NEK10: variants seen among roughly 807,000 people sequenced by gnomAD.
NEK10 encodes the protein NIMA related kinase 10, also known as serine/threonine-protein kinase Nek10.
In NEK10, 122 loss-of-function variants were observed where a neutral mutation model predicts 159.8. That is an observed-to-expected ratio of 0.76 (90% CI 0.66 to 0.89). NEK10 has a LOEUF of 0.89. NEK10 is among the 40% of genes least tolerant of loss of function. The pLI, the probability that NEK10 is intolerant of heterozygous loss-of-function variation, is 0.00. For missense variants in NEK10, 1,342 were observed against 1,323.1 expected (o/e 1.01, Z -0.22); for synonymous variants, 466 against 457.1 (o/e 1.02, Z -0.25).
At chr3:27,190,375 G>C (rs1383284217) in intron 26 of NEK10, among the ~76,000 whole-genome samples, 1 of 152,178 alleles carries the variant, frequency 6.6e-6, no homozygotes, top group Non-Finnish European at 1.5e-5. Context: ...GGGGAAGGAA[G>C]GAAGTAGGTG....
At chr3:27,358,690 C>T (rs538429688) in intron 1 of NEK10, among the ~76,000 whole-genome samples, 4 of 152,110 alleles carry the variant, frequency 2.6e-5, no homozygotes, top group Admixed American at 1.3e-4. Flanking sequence ...CAGATCTCTA[C>T]CCAGAAACCC....
chr3:27,153,342 GAGAC>G (rs956359234), intron 30 of NEK10, among the ~76,000 whole-genome samples: 6 of 149,052 alleles, frequency 4.0e-5, no homozygotes, highest in Non-Finnish European at 7.4e-5. Flanking sequence ...AAAAAGAAAT[GAGAC>G]AGACAGTAGC....
At chr3:27,191,924 T>A in intron 26 of NEK10, 105 bp downstream of exon 26, 1 of 874,632 alleles carries the variant, frequency 1.1e-6, no homozygotes, top group Non-Finnish European at 1.9e-6. Flanking sequence ...ATATTGCATG[T>A]AACTATTTTT....
intron 11 of NEK10, among the ~76,000 whole-genome samples, 173 bp downstream of exon 11, chr3:27,307,686 G>A (rs1034319476): frequency 1.3e-5 from 2 of 152,048 alleles, no homozygotes; most frequent in African/African-American, 4.8e-5. Flanking sequence ...AAACATAAAT[G>A]GATATACTTC....
chr3:27,214,452 CCCT>C (rs1398856520), intron 23 of NEK10, among the ~76,000 whole-genome samples: 8 of 152,178 alleles, frequency 5.3e-5, no homozygotes, highest in Non-Finnish European at 1.0e-4. Context: ...TCGCTAGTTT[CCCT>C]CCTCCTGTAA....
intron 23 of NEK10, among the ~76,000 whole-genome samples, chr3:27,214,655 AC>A (rs1951327193): frequency 6.6e-6 from 1 of 152,084 alleles, no homozygotes; most frequent in Non-Finnish European, 1.5e-5. Context: ...CGAATACATA[AC>A]CAGGTGCTGG....
At chr3:27,166,277 G>T (rs555382825) in intron 29 of NEK10, among the ~76,000 whole-genome samples, 8 of 152,136 alleles carry the variant, frequency 5.3e-5, no homozygotes, top group Non-Finnish European at 1.0e-4. Flanking sequence ...TGCTCCTGTG[G>T]CTATCCCCTC....
chr3:27,222,336 G>C (rs1417442880), intron 23 of NEK10, among the ~76,000 whole-genome samples: 8 of 152,182 alleles, frequency 5.3e-5, no homozygotes, highest in Non-Finnish European at 8.8e-5. Flanking sequence ...TCATGCCACT[G>C]CACTCCAGCC....
At chr3:27,151,056 G>T (rs1016986181) in intron 30 of NEK10, among the ~76,000 whole-genome samples, 1 of 152,074 alleles carries the variant, frequency 6.6e-6, no homozygotes, top group African/African-American at 2.4e-5. Context: ...CCACCTGATG[G>T]TTCTTTCCTA....
At chr3:27,260,400 A>T (rs1371649868) in intron 22 of NEK10, among the ~76,000 whole-genome samples, 3 of 152,164 alleles carry the variant, frequency 2.0e-5, no homozygotes, top group Admixed American at 6.5e-5. Context: ...TCCCATCAAT[A>T]CCTAATTTAT....
At chr3:27,341,334 A>G in intron 5 of NEK10, among the ~76,000 whole-genome samples, 1 of 152,152 alleles carries the variant, frequency 6.6e-6, no homozygotes, top group Non-Finnish European at 1.5e-5. Context: ...GTCTATTTCA[A>G]AGTAGCTAGA....
chr3:27,320,390 G>A (rs537613), intron 6 of NEK10, among the ~76,000 whole-genome samples: 1,777 of 152,256 alleles, frequency 0.012, 11 homozygotes, highest in South Asian at 0.02. Context: ...CAGATTAACT[G>A]GACCTTCCTC....
At chr3:27,295,806 A>G in intron 14 of NEK10, 116 bp from the exon 15 acceptor site, 3 of 1,324,318 alleles carry the variant, frequency 2.3e-6, no homozygotes. Context: ...TAGTATAACT[A>G]TGGACCTTGA....
intron 22 of NEK10, among the ~76,000 whole-genome samples, chr3:27,270,201 A>G (rs2041224020): frequency 6.6e-6 from 1 of 152,196 alleles, no homozygotes; most frequent in East Asian, 1.9e-4. Context: ...ACTCTCTCTC[A>G]GAACCCAGCA....
intron 1 of NEK10, among the ~76,000 whole-genome samples, chr3:27,365,608 G>T (rs1056261254): frequency 6.3e-4 from 41 of 64,814 alleles, no homozygotes; most frequent in African/African-American, 1.7e-3. Context: ...TTTTTTTTTT[G>T]TGTTTTTTTT....
intron 5 of NEK10, among the ~76,000 whole-genome samples, chr3:27,327,415 T>C (rs1374476259): frequency 6.6e-6 from 1 of 152,182 alleles, no homozygotes; most frequent in African/African-American, 2.4e-5. Context: ...CACAGGACTA[T>C]TAATACATGG....
At chr3:27,238,617 G>A (rs1470403787) in intron 23 of NEK10, among the ~76,000 whole-genome samples, 1 of 151,930 alleles carries the variant, frequency 6.6e-6, no homozygotes, top group Non-Finnish European at 1.5e-5. Context: ...TTCTATCTGT[G>A]ATAGGATCAT....
chr3:27,172,352 A>C (rs1316947315), intron 28 of NEK10, among the ~76,000 whole-genome samples: 4 of 151,294 alleles, frequency 2.6e-5, no homozygotes, highest in Admixed American at 6.6e-5. Context: ...AAAAAAAAAA[A>C]AAAAAAACTT....
chr3:27,153,848 A>G (rs1945136310), intron 30 of NEK10, among the ~76,000 whole-genome samples: 1 of 152,202 alleles, frequency 6.6e-6, no homozygotes, highest in African/African-American at 2.4e-5. Flanking sequence ...AACTACATCG[A>G]AAAGACTGAA....
Sources: allele counts gnomAD v4.1 joint callset (sites outside exome capture counted in the v4.1 genomes callset), GRCh38; gene constraint gnomAD v4.1.1; transcripts MANE v1.5; gene names NCBI Gene and HGNC (gene_info 2026-07-23, HGNC 2026-07-21).